CTNNA2: variants seen among roughly 807,000 people sequenced by gnomAD.
CTNNA2 encodes catenin alpha 2, also known as catenin alpha-2.
A neutral mutation model predicts 101.0 loss-of-function variants in CTNNA2; 42 were observed. The ratio of observed to expected loss-of-function variants is 0.42; its 90% confidence interval spans 0.32 to 0.54. The LOEUF (loss-of-function observed/expected upper bound fraction) is 0.54. Ranked by LOEUF, CTNNA2 falls within the 20% of genes least tolerant of loss-of-function variation. CTNNA2 has a pLI of 0.14. For synonymous variants in CTNNA2, 450 were observed against 456.4 expected (o/e 0.99, Z 0.18); for missense variants, 871 against 1,223.1 (o/e 0.71, Z 4.29).
At chr2:79,861,278 A>C (rs1269963009) in intron 4 of CTNNA2, among the ~76,000 whole-genome samples, 2 of 152,174 alleles carry the variant, frequency 1.3e-5, no homozygotes, top group African/African-American at 4.8e-5. Context: ...TTCAGGCCAT[A>C]TGTCAAAATT....
chr2:79,505,533 C>A (rs1373589460), intron 5 of CTNNA2, among the ~76,000 whole-genome samples: 2 of 152,126 alleles, frequency 1.3e-5, no homozygotes, highest in African/African-American at 4.8e-5. Flanking sequence ...TCCATGCTCC[C>A]AAACTCCATA....
chr2:79,288,578 C>T (rs1675692936), intron 2 of CTNNA2, among the ~76,000 whole-genome samples: 1 of 152,132 alleles, frequency 6.6e-6, no homozygotes, highest in Non-Finnish European at 1.5e-5. Flanking sequence ...CTCTCTCTCC[C>T]TCTCTCTTTG....
At chr2:80,560,612 A>ATT (rs1223775531) in intron 12 of CTNNA2, among the ~76,000 whole-genome samples, 1 of 152,148 alleles carries the variant, frequency 6.6e-6, no homozygotes, top group Non-Finnish European at 1.5e-5. Context: ...GAGGGCCTTC[A>ATT]TTATTCTCCA....
intron 9 of CTNNA2, among the ~76,000 whole-genome samples, chr2:80,475,678 T>G (rs906472436): frequency 4.1e-4 from 63 of 152,130 alleles, no homozygotes; most frequent in African/African-American, 1.4e-3. Context: ...CATATGCATT[T>G]GAAGAGCTGC....
chr2:79,653,895 T>C (rs1443015396), intron 2 of CTNNA2, among the ~76,000 whole-genome samples: 1 of 152,190 alleles, frequency 6.6e-6, no homozygotes, highest in Non-Finnish European at 1.5e-5. Flanking sequence ...CCAGCTGAGC[T>C]TTCTGCCACT....
At chr2:79,713,422 G>A (rs1014750630) in intron 2 of CTNNA2, among the ~76,000 whole-genome samples, 1 of 152,136 alleles carries the variant, frequency 6.6e-6, no homozygotes, top group Non-Finnish European at 1.5e-5. Context: ...CTCCAGCCTG[G>A]GTGACAGCAA....
At position 79,252,819 on chromosome 2, in the gene CTNNA2, T is replaced by G. The variant is rs63314961; in HGVS notation, c.-406+54743T>G. On this transcript the variant is annotated intron_variant, in intron 2 of 21. Coordinates refer to the CTNNA2 transcript ENST00000466387. ...AGCTGTCTTGCTTATTATCAACTGTTTTTTTTTTTAGTGGACTTTAATTTG... is the reference window on the plus strand; with the variant it reads ...AGCTGTCTTGCTTATTATCAACTGTGTTTTTTTTTAGTGGACTTTAATTTG... Among the ~76,000 whole-genome samples the G allele has an allele frequency of 6.0e-5, 3 of 49,702 alleles. No homozygotes were observed. In the East Asian group the frequency reaches 2.4e-3, roughly 39 times the overall value. The allele number at this position is 49,702 out of a possible 152,430, so 32.6% of individuals were successfully genotyped here.
At chr2:80,342,528 T>G (rs1460268754) in intron 7 of CTNNA2, among the ~76,000 whole-genome samples, 1 of 152,226 alleles carries the variant, frequency 6.6e-6, no homozygotes, top group Non-Finnish European at 1.5e-5. Flanking sequence ...CAAATTACAA[T>G]GATAGATTTT....
intron 7 of CTNNA2, among the ~76,000 whole-genome samples, chr2:80,291,238 G>A (rs1269275014): frequency 3.3e-5 from 5 of 152,246 alleles, no homozygotes; most frequent in African/African-American, 1.2e-4. Context: ...ATAAGCGATA[G>A]CAAAGGAGAA....
At chr2:79,708,516 A>G (rs995478246) in intron 2 of CTNNA2, among the ~76,000 whole-genome samples, 1 of 152,210 alleles carries the variant, frequency 6.6e-6, no homozygotes, top group African/African-American at 2.4e-5. Flanking sequence ...CTATGCTTTC[A>G]TAAATAAACA....
At chr2:79,422,826 A>G (rs888120677) in intron 4 of CTNNA2, among the ~76,000 whole-genome samples, 2 of 152,218 alleles carry the variant, frequency 1.3e-5, no homozygotes, top group African/African-American at 4.8e-5. Flanking sequence ...ACTACAGGAA[A>G]GATAAATCCG....
chr2:80,370,532 G>A (rs1291843610), intron 7 of CTNNA2, among the ~76,000 whole-genome samples: 1 of 152,066 alleles, frequency 6.6e-6, no homozygotes, highest in Non-Finnish European at 1.5e-5. Flanking sequence ...GAAGACTTTG[G>A]TGTGTCACCT....
chr2:79,467,708 G>A (rs1025291456), intron 4 of CTNNA2, among the ~76,000 whole-genome samples: 23 of 152,320 alleles, frequency 1.5e-4, no homozygotes, highest in African/African-American at 5.3e-4. Flanking sequence ...CCAGAAGAGA[G>A]TAGGGGCCAA....
chr2:79,385,380 C>T (rs980763882), intron 4 of CTNNA2, among the ~76,000 whole-genome samples: 1 of 152,156 alleles, frequency 6.6e-6, no homozygotes, highest in African/African-American at 2.4e-5. Context: ...ATTCCAGCAA[C>T]AGTAGACCAC....
intron 7 of CTNNA2, among the ~76,000 whole-genome samples, chr2:80,252,051 TC>T (rs1455076635): frequency 3.3e-5 from 5 of 152,184 alleles, no homozygotes; most frequent in African/African-American, 1.2e-4. Context: ...CTTTCTAGAG[TC>T]AATTCCTCTG....
intron 7 of CTNNA2, among the ~76,000 whole-genome samples, chr2:80,239,631 G>A (rs1394745139): frequency 6.6e-6 from 1 of 152,006 alleles, no homozygotes. Context: ...AATAGTTATG[G>A]CCTGGCGTGG....
chr2:79,829,404 CACACACACACAG>C (rs1194490793), intron 3 of CTNNA2, among the ~76,000 whole-genome samples: 23 of 135,838 alleles, frequency 1.7e-4, no homozygotes, highest in African/African-American at 4.6e-4. Context: ...CACACACACA[CACACACACACAG>C]ACACAAAGCC....
rs543829673 is a variant in CTNNA2, at chr2:80,166,971, G to A, written c.1057-226240G>A. ...AGATATTACAGAAAGAAAACCCAGG[G>A]GACTCACCACTGTCCTTCTACAGAT... On this transcript the variant is annotated intron_variant, in intron 7 of 18. Transcript: ENST00000402739. Among the ~76,000 whole-genome samples, 4 of 152,034 alleles carry A rather than the reference G, an allele frequency of 2.6e-5. No homozygotes were observed. The East Asian group carries it at 5.8e-4, about 22-fold the overall frequency.
intron 2 of CTNNA2, among the ~76,000 whole-genome samples, chr2:79,294,239 G>GA (rs57258484): frequency 0.28 from 37,599 of 134,820 alleles, 5,342 homozygotes; most frequent in African/African-American, 0.41. Context: ...AGAAGAAGAA[G>GA]AGGAGGAGGA....
Sources: gnomAD v4.1 joint callset for allele counts (sites outside exome capture counted in the v4.1 genomes callset) on GRCh38, gnomAD v4.1.1 for gene constraint, MANE v1.5 for transcripts, NCBI Gene and HGNC (gene_info 2026-07-23, HGNC 2026-07-21) for gene names.